The following FASTKD5 variants were observed in gnomAD, a reference collection of about 807,000 sequenced individuals.
The protein encoded by FASTKD5 is non-canonical pre-mRNAs endonuclease FASTKD5, mitochondrial.
A neutral mutation model predicts 44.0 loss-of-function variants in FASTKD5; 30 were observed. The ratio of observed to expected loss-of-function variants is 0.68; its 90% CI spans 0.51 to 0.93. The LOEUF is 0.93. Among genes scored for constraint, FASTKD5 ranks in the 40% least tolerant of loss-of-function variants. FASTKD5 has a pLI of 0.00. For synonymous variants in FASTKD5, 335 were observed against 342.2 expected (o/e 0.98, Z 0.23); for missense variants, 868 against 908.2 (o/e 0.96, Z 0.57).
At position 3,147,966 on chromosome 20, in the gene FASTKD5, C is replaced by A; in HGVS notation, c.1105G>T (p.Asp369Tyr). ...IVKMFRFTHV[D>Y]HINFMKQIGE... is the part of the protein sequence containing the mutation. The stretch of plus-strand genomic sequence containing the variant: ...ATCTGCTTCATGAAATTGATGTGAT[C>A]CACGTGAGTGAAACGGAACATTTTA... Residue 369 changes from aspartate to tyrosine, a missense_variant, in exon 2 of 2, where the codon GAT (aspartate) becomes TAT (tyrosine). Asp to Tyr is a radical substitution (Grantham distance 160). Coordinates refer to ENST00000380266, the MANE Select transcript of FASTKD5 (RefSeq NM_021826.5). 1.2e-6 allele frequency: 2 copies of A among 1,614,202 alleles called. No individual in the cohort carries two copies. The highest frequency in any genetic ancestry group is 1.7e-6 in the Non-Finnish European group (2 of 1,180,052).
At position 3,148,751 on chromosome 20, in the gene FASTKD5, T is replaced by A. The variant is rs1294980751; in HGVS notation, c.320A>T (p.Glu107Val). The stretch of plus-strand genomic sequence containing the variant: ...CATGTTTTCAAAGGAATCAAACACT[T>A]CTACGTCCTCTTCATCAACTCCTGT... ...RATGVDEEDVEVFDSFENMRV... is the reference protein window; with the variant it reads ...RATGVDEEDVVVFDSFENMRV... The change falls in exon 2 of 2, where the codon GAA (glutamate) becomes GTA (valine). Residue 107 changes from glutamate (E) to valine (V), a missense_variant. Glu to Val is a moderately radical substitution (Grantham distance 121, BLOSUM62 -2). Transcript: ENST00000380266. The A allele has an allele frequency of 1.9e-6, 3 of 1,614,216 alleles. No homozygotes were observed. Among genetic ancestry groups the A allele is most frequent in the Non-Finnish European group, 2.5e-6 (3 of 1,180,042 alleles).
chr20:3,155,474 TG>T (rs1346526432), intron 1 of FASTKD5, among the ~76,000 whole-genome samples: 1 of 151,968 alleles, frequency 6.6e-6, no homozygotes, highest in East Asian at 1.9e-4. Flanking sequence ...GAGGTTGTGG[TG>T]AGGCGAGGTC....
Position 3,159,682 on chromosome 20 carries a change from AC to A in FASTKD5, c.-191+83del, listed in dbSNP as rs1173259825. 6.6e-5 allele frequency: 10 copies of A among 152,276 alleles called. 1 individual carries two copies. The highest frequency in any genetic ancestry group is 6.5e-4 in the Admixed American group (10 of 15,288). 9.4% of individuals were successfully genotyped at this position (152,276 alleles called of 1,614,324 possible). A position where few individuals can be genotyped will look rare whatever the true frequency, so the allele number is the denominator to read the frequency against. ...CTCCAGCTCTGGGCCGGCCGGGAGG[AC>A]AGGAGGCACAGGCCAAGGCCCAGGA... On this transcript the variant is annotated intron_variant, in intron 1 of 1. Coordinates refer to ENST00000380266, the MANE Select transcript of FASTKD5 (RefSeq NM_021826.5).
In FASTKD5 at chr20:3,147,421, C is replaced by T. The variant is rs754511650; in HGVS notation, c.1650G>A (p.Glu550=). ...EGSELLWYLA[E]KDMNSKPEFL... is the part of the protein sequence containing the mutation. ...ATTCAGGCTTTGAATTCATATCCTT[C>T]TCTGCTAAATACCACAGCAATTCAG... The change falls in exon 2 of 2, where the codon GAG becomes GAA. Residue 550 remains glutamate (E), a synonymous_variant. Coordinates refer to ENST00000380266, the MANE Select transcript of FASTKD5 (RefSeq NM_021826.5). The T allele has an allele frequency of 5.0e-6, 8 of 1,614,086 alleles. No homozygotes were observed. In the African/African-American group the frequency reaches 1.1e-4, roughly 22 times the overall value.
rs774251244 is a variant in FASTKD5, at chr20:3,148,304, C to A, written c.767G>T (p.Arg256Leu). The change falls in exon 2 of 2, where the codon CGC (arginine) becomes CTC (leucine). Residue 256 changes from arginine to leucine, a missense_variant. Physicochemically the swap from Arg to Leu is moderately radical, Grantham distance 102 (BLOSUM62 -2). Transcript: ENST00000380266. The stretch of plus-strand genomic sequence containing the variant: ...AATGTTTAAAAACCTAGGTACTTTG[C>A]GGCCTAAGTACCTCCAGAGATCAGC... ...LVADLWRYLG[R>L]KVPRFLNIFS... 1.2e-6 allele frequency: 2 copies of A among 1,612,828 alleles called. No homozygotes were observed. Among genetic ancestry groups the A allele is most frequent in the South Asian group, 1.1e-5 (1 of 90,818 alleles).
rs1212966284 is a variant in FASTKD5, at chr20:3,148,050, C to T, written c.1021G>A (p.Gly341Arg). ...NLSEFVMRKI[G>R]DLACANIQHL... ...TGAATGTTAGCACAAGCCAAGTCTC[C>T]AATTTTCCGCATGACAAATTCAGAG... The change falls in exon 2 of 2, where the codon GGA (glycine) becomes AGA (arginine). Residue 341 changes from glycine to arginine, a missense_variant. By Grantham distance (125) the Gly-to-Arg change is moderately radical. Coordinates refer to ENST00000380266, the MANE Select transcript of FASTKD5 (RefSeq NM_021826.5). The T allele has an allele frequency of 6.2e-7, 1 of 1,614,056 alleles. No individual in the cohort carries two copies. Among genetic ancestry groups the T allele is most frequent in the African/African-American group, 1.3e-5 (1 of 74,934 alleles).
intron 1 of FASTKD5, chr20:3,151,758 A>C (rs2066627470): frequency 6.6e-6 from 1 of 152,288 alleles, no homozygotes; most frequent in South Asian, 2.1e-4. Context: ...TCCTCAAAAT[A>C]GTCATTAGGA....
In FASTKD5 at chr20:3,147,279, G is replaced by A. The variant is rs1452776812; in HGVS notation, c.1792C>T (p.Leu598=). 1.2e-6 allele frequency: 2 copies of A among 1,614,172 alleles called. No individual in the cohort carries two copies. Among genetic ancestry groups the A allele is most frequent in the East Asian group, 4.5e-5 (2 of 44,890 alleles). ...TCTCTATTAAATGGTAATGGCTTCA[G>A]GTTAACATCAAGCTGGACCTCTAAG... ...SDLEVQLDVN[L]KPLPFNREAT... The change falls in exon 2 of 2, where the codon CTG becomes TTG. Residue 598 remains leucine, a synonymous_variant. Transcript: ENST00000380266.
rs2066599726 is a variant in FASTKD5 at position 3,149,147 on chromosome 20, T to TG, written c.-78dup. ...TTGACCAGGCAATTTCTTGTTTATA[T>TG]GGTGCTTGATTAGAGCTGGACGGGG... On this transcript the variant is annotated 5_prime_UTR_variant, in exon 2 of 2. An upstream open reading frame in the 5' UTR gains an earlier in-frame stop. Transcript: ENST00000380266. This position sits in a 1 kb window ranked among gnomAD's most constrained non-coding sequence, Gnocchi z 4.1. The TG allele has an allele frequency of 6.7e-7, 1 of 1,491,250 alleles. No individual in the cohort carries two copies. The highest frequency in any genetic ancestry group is 2.2e-5 in the Admixed American group (1 of 46,090). 92.4% of individuals were successfully genotyped at this position (1,491,250 alleles called of 1,614,324 possible). A position where few individuals can be genotyped will look rare whatever the true frequency, so the allele number is the denominator to read the frequency against.
rs769410093 is a variant in FASTKD5, at chr20:3,147,253, T to C, written c.1818A>G (p.Glu606=). ...VNLKPLPFNR[E]ATPAENVAKL... Reference sequence around the variant, plus strand: ...TGGCTACATTTTCAGCCGGCGTGGCTTCTCTATTAAATGGTAATGGCTTCA... The same window carrying C: ...TGGCTACATTTTCAGCCGGCGTGGCCTCTCTATTAAATGGTAATGGCTTCA... Residue 606 remains glutamate, a synonymous_variant, in exon 2 of 2, where the codon GAA becomes GAG. Coordinates refer to ENST00000380266, the MANE Select transcript of FASTKD5 (RefSeq NM_021826.5). The C allele has an allele frequency of 1.9e-6, 3 of 1,614,082 alleles. No individual in the cohort carries two copies. Among genetic ancestry groups the C allele is most frequent in the Non-Finnish European group, 2.5e-6 (3 of 1,180,040 alleles).
At position 3,148,959 on chromosome 20, in the gene FASTKD5, G is replaced by T. The variant is rs773844266; in HGVS notation, c.112C>A (p.His38Asn). 1.5e-5 allele frequency: 25 copies of T among 1,614,084 alleles called. No homozygotes were observed. In the Admixed American group the frequency reaches 2.0e-4, roughly 13 times the overall value. ...TGTTCTGGAGGGTCCTGTCCCCCATGCTGTGTGCTGCTCACATTCCAGTAT... is the reference window on the plus strand; with the variant it reads ...TGTTCTGGAGGGTCCTGTCCCCCATTCTGTGTGCTGCTCACATTCCAGTAT... Reference protein sequence around the residue: ...VSYWNVSSTQHGGQDPPEHIS... With the variant: ...VSYWNVSSTQNGGQDPPEHIS... The change falls in exon 2 of 2, where the codon CAT becomes AAT. Residue 38 changes from histidine (H) to asparagine (N), a missense_variant. By Grantham distance (68) the His-to-Asn change is moderately conservative (BLOSUM62 1). Transcript: ENST00000380266.
At position 3,148,723 on chromosome 20, in the gene FASTKD5, T is replaced by A; in HGVS notation, c.348A>T (p.Arg116=). The A allele has an allele frequency of 6.2e-7, 1 of 1,614,224 alleles. No homozygotes were observed. The highest frequency in any genetic ancestry group is 8.5e-7 in the Non-Finnish European group (1 of 1,180,036). The change falls in exon 2 of 2, where the codon CGA becomes CGT. Residue 116 remains arginine (R), a synonymous_variant. Transcript: ENST00000380266. ...ATTCTGGTCTTAGCTGTAGGAAAAC[T>A]CGCATGTTTTCAAAGGAATCAAACA... ...VEVFDSFENM[R]VFLQLRPEYR... is the part of the protein sequence containing the mutation.
At position 3,157,289 on chromosome 20, in the gene FASTKD5, A is replaced by G. The variant is rs116430471; in HGVS notation, c.-191+2477T>C. On this transcript the variant is annotated intron_variant, in intron 1 of 1. Transcript: ENST00000380266. The stretch of plus-strand genomic sequence containing the variant: ...ACACGGGAGCAGGGCCTCAGAGAGG[A>G]GTCTACCAGTACTGCGAAGGTGAAG... 7.4e-3 allele frequency among the ~76,000 whole-genome samples: 1,134 copies of G among 152,266 alleles called. 16 individuals carry two copies. The highest frequency in any genetic ancestry group is 0.026 in the African/African-American group (1,077 of 41,540).
chr20:3,157,093 T>C (rs1398784655), intron 1 of FASTKD5, among the ~76,000 whole-genome samples: 2 of 129,854 alleles, frequency 1.5e-5, no homozygotes, highest in Admixed American at 1.4e-4. Context: ...AGACCCTGTC[T>C]CTACCAAAAA....
Position 3,149,338 on chromosome 20 carries a change from TG to T in FASTKD5, c.-190-79del. On this transcript the variant is annotated intron_variant, in intron 1 of 1. Coordinates refer to ENST00000380266, the MANE Select transcript of FASTKD5 (RefSeq NM_021826.5). The surrounding 1 kb of genome is among the most constrained non-coding windows in gnomAD (Gnocchi z 4.1). ...AATTTACACATTATAAAAAACAGGT[TG>T]AAACTACACTGCTGTCTACTCAAAT... is the stretch of plus-strand genomic sequence containing the variant. 2.2e-6 allele frequency: 1 copy of T among 456,192 alleles called. No individual in the cohort carries two copies. The highest frequency in any genetic ancestry group is 3.9e-6 in the Non-Finnish European group (1 of 256,120). The allele number at this position is 456,192 out of a possible 1,614,324, so 28.3% of individuals were successfully genotyped here.
rs148896914 is a variant in FASTKD5, at chr20:3,153,441, C to T, written c.-190-4181G>A. Among the ~76,000 whole-genome samples the T allele has an allele frequency of 5.5e-3, 831 of 152,302 alleles. 10 individuals carry two copies. The highest frequency in any genetic ancestry group is 0.02 in the Middle Eastern group (6 of 294). ...TCTCTGTAATGTAAGTTTATAATCC[C>T]CATATTACTGATGAGAAAGAGACCA... On this transcript the variant is annotated intron_variant, in intron 1 of 1. Coordinates refer to ENST00000380266, the MANE Select transcript of FASTKD5 (RefSeq NM_021826.5).
chr20:3,157,024 G>A (rs1256221829), intron 1 of FASTKD5, among the ~76,000 whole-genome samples: 1 of 152,162 alleles, frequency 6.6e-6, no homozygotes, highest in East Asian at 1.9e-4. Context: ...CACTTTGGAA[G>A]GCCGAGCAGG....
At chr20:3,154,853 T>C (rs1038993460) in intron 1 of FASTKD5, among the ~76,000 whole-genome samples, 7 of 149,304 alleles carry the variant, frequency 4.7e-5, no homozygotes, top group South Asian at 4.2e-4. Flanking sequence ...TAGGGGGAGG[T>C]TGATGATACA....
At position 3,148,656 on chromosome 20, in the gene FASTKD5, G is replaced by A. The variant is rs377265586; in HGVS notation, c.415C>T (p.Leu139=). The part of the protein sequence containing the change: ...SYNASETSQL[L]SVSEGELILH... ...ATTAGTTCACCTTCTGAAACAGACA[G>A]GAGCTGAGAAGTCTCAGATGCATTA... Residue 139 remains leucine, a synonymous_variant, in exon 2 of 2, where the codon CTG becomes TTG. Transcript: ENST00000380266. 1.6e-5 allele frequency: 26 copies of A among 1,614,064 alleles called. No homozygotes were observed. The highest frequency in any genetic ancestry group is 2.2e-5 in the Non-Finnish European group (26 of 1,180,022).
Sources: allele counts gnomAD v4.1 joint callset (sites outside exome capture counted in the v4.1 genomes callset), GRCh38; gene constraint gnomAD v4.1.1; non-coding constraint Gnocchi (gnomAD v3.1); transcripts MANE v1.5; gene names NCBI Gene and HGNC (gene_info 2026-07-23, HGNC 2026-07-21).